ABCA4: variants seen among roughly 807,000 people sequenced by gnomAD.
The protein encoded by ABCA4 is retinal-specific phospholipid-transporting ATPase ABCA4.
A neutral mutation model predicts 263.7 loss-of-function variants in ABCA4; 196 were observed. That is an observed-to-expected ratio of 0.74 (90% CI 0.66 to 0.84). The LOEUF (loss-of-function observed/expected upper bound fraction) is 0.84. ABCA4 is among the 40% of genes least tolerant of loss of function. The pLI is 0.00. For synonymous variants in ABCA4, 1,133 were observed against 1,094.2 expected, an observed-to-expected ratio of 1.04 and a Z score of -0.70; for missense variants, 2,792 against 2,855.1, an observed-to-expected ratio of 0.98 and a Z score of 0.50.
rs946827466 is a variant in ABCA4 at position 94,031,998 on chromosome 1, C to T, written c.3908G>A (p.Cys1303Tyr). The T allele has an allele frequency of 6.2e-7, 1 of 1,613,700 alleles. No homozygotes were observed. The highest frequency in any genetic ancestry group is 8.5e-7 in the Non-Finnish European group (1 of 1,180,016). Residue 1303 changes from cysteine (C) to tyrosine (Y), a missense_variant, in exon 27 of 50, where the codon TGC becomes TAC. Physicochemically the swap from Cys to Tyr is radical, Grantham distance 194 (BLOSUM62 -2). Coordinates refer to ENST00000370225, the MANE Select transcript of ABCA4 (RefSeq NM_000350.3). ...TCCAGCCTTCTCTCTGGGACCCAAGCAGGGGTGTCGGGGGTTGACGTTTTC... is the reference window on the plus strand; with the variant it reads ...TCCAGCCTTCTCTCTGGGACCCAAGTAGGGGTGTCGGGGGTTGACGTTTTC... ...KRENVNPRHPCLGPREKAGQT... is the reference protein window; with the variant it reads ...KRENVNPRHPYLGPREKAGQT...
intron 36 of ABCA4, among the ~76,000 whole-genome samples, chr1:94,016,932 G>T (rs1392231514): frequency 1.3e-5 from 2 of 152,104 alleles, no homozygotes; most frequent in African/African-American, 4.8e-5. Flanking sequence ...ATATCTTGCT[G>T]TGCCATTGAG....
chr1:94,073,743 A>G (rs556353), intron 11 of ABCA4, among the ~76,000 whole-genome samples: 35,053 of 152,122 alleles, frequency 0.23, 4,848 homozygotes, highest in Non-Finnish European at 0.32. Context: ...TGCATTAGGA[A>G]CAAGCTGCTT....
At chr1:94,034,601 T>C (rs1660294653) in intron 26 of ABCA4, among the ~76,000 whole-genome samples, 1 of 151,278 alleles carries the variant, frequency 6.6e-6, no homozygotes, top group Non-Finnish European at 1.5e-5. Flanking sequence ...TCAAAACAAA[T>C]GTACTTAGCC....
In ABCA4 at chr1:94,015,814, A is replaced by G; in HGVS notation, c.5237T>C (p.Phe1746Ser). 2 of 1,614,020 alleles carry G rather than the reference A, an allele frequency of 1.2e-6. No homozygotes were observed. The highest frequency in any genetic ancestry group is 1.7e-6 in the Non-Finnish European group (2 of 1,180,010). Reference sequence around the variant, plus strand: ...GTAGGCTTTCTTCTGAAACCCGATGAAGATGCCCACCACCAGCCCAGCACT... The same window carrying G: ...GTAGGCTTTCTTCTGAAACCCGATGGAGATGCCCACCACCAGCCCAGCACT... Reference protein sequence around the residue: ...SVSAGLVVGIFIGFQKKAYTS... With the variant: ...SVSAGLVVGISIGFQKKAYTS... Residue 1746 changes from phenylalanine to serine, a missense_variant, in exon 37 of 50, where the codon TTC (phenylalanine) becomes TCC (serine). Coordinates refer to ENST00000370225, the MANE Select transcript of ABCA4 (RefSeq NM_000350.3).
intron 2 of ABCA4, among the ~76,000 whole-genome samples, chr1:94,112,400 G>A (rs1302722741): frequency 1.3e-5 from 2 of 152,036 alleles, no homozygotes; most frequent in South Asian, 2.1e-4. Flanking sequence ...AGAGAGTTTA[G>A]GTATAAAAAA....
chr1:94,106,621 AG>A (rs1308911107), intron 4 of ABCA4, among the ~76,000 whole-genome samples: 1 of 152,258 alleles, frequency 6.6e-6, no homozygotes, highest in African/African-American at 2.4e-5. Flanking sequence ...AGGGCAACAA[AG>A]AATGGAGTGT....
chr1:94,021,176 C>G, intron 35 of ABCA4, 64 bp downstream of exon 35: 1 of 1,608,392 alleles, frequency 6.2e-7, no homozygotes, highest in Non-Finnish European at 8.5e-7. Flanking sequence ...AGAATCCTCT[C>G]AGGATGTTCA....
chr1:94,001,041 A>T lies in ABCA4; in HGVS notation c.6347T>A (p.Ile2116Asn), dbSNP rs760999534. The T allele has an allele frequency of 2.5e-6, 4 of 1,614,108 alleles. No individual in the cohort carries two copies. Among genetic ancestry groups the T allele is most frequent in the Non-Finnish European group, 3.4e-6 (4 of 1,180,018 alleles). ...RRMLWNVIVS[I>N]IREGRAVVLT... is the part of the protein sequence containing the mutation. ...GACCACAGCCCTCCCTTCTCTGATG[A>T]TGCTCACGATGACGTTCCACAGCAT... The change falls in exon 46 of 50, where the codon ATC becomes AAC. Residue 2116 changes from isoleucine to asparagine, a missense_variant. Transcript: ENST00000370225.
chr1:94,108,509 T>G, intron 4 of ABCA4, 68 bp downstream of exon 4: 1 of 1,607,040 alleles, frequency 6.2e-7, no homozygotes, highest in Admixed American at 1.7e-5. Context: ...CTCCCTGTTC[T>G]TTCCTATATC....
At chr1:94,017,129 A>C (rs1659766979) in intron 36 of ABCA4, among the ~76,000 whole-genome samples, 1 of 152,222 alleles carries the variant, frequency 6.6e-6, no homozygotes, top group African/African-American at 2.4e-5. Context: ...TGGATGAATA[A>C]ATGGAAAATT....
At chr1:93,993,792 G>A (rs1282362604) in intron 49 of ABCA4, among the ~76,000 whole-genome samples, 5 of 151,992 alleles carry the variant, frequency 3.3e-5, no homozygotes, top group African/African-American at 4.8e-5. Flanking sequence ...CTTGAGAAGC[G>A]GACACCAAGG....
intron 23 of ABCA4, among the ~76,000 whole-genome samples, chr1:94,040,820 C>T (rs935233211): frequency 9.9e-5 from 15 of 152,070 alleles, no homozygotes; most frequent in African/African-American, 3.6e-4. Context: ...AAGGAGGCCT[C>T]TTCTTAGTTT....
At chr1:94,106,810 C>A (rs77597214) in intron 4 of ABCA4, among the ~76,000 whole-genome samples, 4,029 of 152,252 alleles carry the variant, frequency 0.026, 78 homozygotes, top group African/African-American at 0.052. Context: ...AGATTCTCCT[C>A]GGAGAAGTTT....
At position 94,041,296 on chromosome 1, in the gene ABCA4, G is replaced by C. The variant is rs369084033; in HGVS notation, c.3435C>G (p.Leu1145=). The C allele has an allele frequency of 1.9e-6, 3 of 1,614,182 alleles. No homozygotes were observed. The highest frequency in any genetic ancestry group is 2.5e-6 in the Non-Finnish European group (3 of 1,180,046). The change falls in exon 23 of 50, where the codon CTC becomes CTG. Residue 1145 remains leucine, a synonymous_variant. Coordinates refer to ENST00000370225, the MANE Select transcript of ABCA4 (RefSeq NM_000350.3). ...QGRLYCSGTP[L]FLKNCFGTGL... ...CTGTGCCAAAGCAGTTCTTCAGGAA[G>C]AGTGGGGTGCCTGAGCAGTAGAGCC...
chr1:94,112,999 G>C lies in ABCA4; in HGVS notation c.134C>G (p.Ala45Gly), dbSNP rs368503198. The C allele has an allele frequency of 8.9e-5, 144 of 1,613,784 alleles. No homozygotes were observed. Among genetic ancestry groups the C allele is most frequent in the Non-Finnish European group, 1.2e-4 (138 of 1,179,868 alleles). Residue 45 changes from alanine to glycine, a missense_variant, in exon 2 of 50, where the codon GCC becomes GGC. Physicochemically the swap from Ala to Gly is moderately conservative, Grantham distance 60 (BLOSUM62 0). Transcript: ENST00000370225. The stretch of plus-strand genomic sequence containing the variant: ...TTCATGATGGCTGTAGAGTGGGTTG[G>C]CATTCCTTAACCAGATCAAGACCAG... ...LFLVLIWLRN[A>G]NPLYSHHECH...
chr1:94,041,122 G>C (rs1471180004), intron 23 of ABCA4, 87 bp downstream of exon 23: 3 of 1,381,962 alleles, frequency 2.2e-6, no homozygotes, highest in South Asian at 1.2e-5. Flanking sequence ...GCGAGAGCCT[G>C]TGTGAGTAGC....
chr1:94,033,765 C>A (rs1364852495), intron 26 of ABCA4, among the ~76,000 whole-genome samples: 1 of 151,882 alleles, frequency 6.6e-6, no homozygotes, highest in East Asian at 1.9e-4. Flanking sequence ...GTGGCAGCCC[C>A]AGCCCTGGCA....
At chr1:94,012,363 ACAGCTGGCT>A (rs1659570664) in intron 38 of ABCA4, among the ~76,000 whole-genome samples, 1 of 152,172 alleles carries the variant, frequency 6.6e-6, no homozygotes, top group Admixed American at 6.5e-5. Flanking sequence ...TCTTCTTTAG[ACAGCTGGCT>A]CAGAGAGTGC....
intron 2 of ABCA4, among the ~76,000 whole-genome samples, chr1:94,112,241 A>G (rs892642014): frequency 6.6e-6 from 1 of 152,218 alleles, no homozygotes; most frequent in Non-Finnish European, 1.5e-5. Flanking sequence ...CAGACACCTC[A>G]GGGGTCCAAG....
Sources: allele counts gnomAD v4.1 joint callset (sites outside exome capture counted in the v4.1 genomes callset), GRCh38; gene constraint gnomAD v4.1.1; transcripts MANE v1.5; gene names NCBI Gene and HGNC (gene_info 2026-07-23, HGNC 2026-07-21).